OR4N2: variants seen among roughly 807,000 people sequenced by gnomAD.
OR4N2 encodes olfactory receptor 4N2.
For synonymous variants in OR4N2, 141 were observed against 140.4 expected (o/e 1.00, Z -0.03); for missense variants, 307 against 377.6 (o/e 0.81, Z 1.55).
intron 1 of OR4N2, among the ~76,000 whole-genome samples, chr14:19,814,503 A>G (rs1192981800): frequency 6.6e-6 from 1 of 152,146 alleles, no homozygotes; most frequent in African/African-American, 2.4e-5. Context: ...GTGCCCAAAA[A>G]CTCAATAGTA....
At chr14:19,821,585 C>T (rs1455325062) in intron 1 of OR4N2, among the ~76,000 whole-genome samples, 2 of 152,200 alleles carry the variant, frequency 1.3e-5, no homozygotes, top group East Asian at 3.8e-4. Flanking sequence ...ATTTACTTCT[C>T]TCAAACTTCT....
chr14:19,804,500 A>G (rs977594609), intron 1 of OR4N2, among the ~76,000 whole-genome samples: 3 of 152,096 alleles, frequency 2.0e-5, no homozygotes, highest in African/African-American at 7.2e-5. Context: ...ATTTTCACAT[A>G]TGCTTTTGAT....
chr14:19,821,132 T>G (rs1365963713), intron 1 of OR4N2, among the ~76,000 whole-genome samples: 3 of 152,254 alleles, frequency 2.0e-5, no homozygotes, highest in Non-Finnish European at 4.4e-5. Flanking sequence ...TGAATCAGAA[T>G]GCACCTTTCC....
intron 1 of OR4N2, among the ~76,000 whole-genome samples, chr14:19,818,652 T>C (rs1879487170): frequency 1.3e-5 from 2 of 152,318 alleles, no homozygotes; most frequent in South Asian, 2.1e-4. Context: ...CCAGTCTGTG[T>C]ATTCTAACTG....
rs1221081754 is a variant in OR4N2 at position 19,830,058 on chromosome 14, C to T, written c.*1686C>T. ...GATCCTGCTCCTACAGAAGTAAACC[C>T]TTCCACCTGTGCACCAGATTCCATC... is the stretch of plus-strand genomic sequence containing the variant. On this transcript the variant is annotated 3_prime_UTR_variant, in exon 2 of 2. Coordinates refer to ENST00000557677, the MANE Select transcript of OR4N2 (RefSeq NM_001004723.3). The T allele has an allele frequency of 2.0e-5, 3 of 152,664 alleles. No individual in the cohort carries two copies. Among genetic ancestry groups the T allele is most frequent in the African/African-American group, 4.8e-5 (2 of 41,450 alleles). 9.5% of individuals were successfully genotyped at this position (152,664 alleles called of 1,614,324 possible). A position where few individuals can be genotyped will look rare whatever the true frequency, so the allele number is the denominator to read the frequency against.
chr14:19,810,778 G>C (rs1879276852), intron 1 of OR4N2, among the ~76,000 whole-genome samples: 1 of 152,184 alleles, frequency 6.6e-6, no homozygotes, highest in Non-Finnish European at 1.5e-5. Context: ...TACCAAAATT[G>C]ATAAACCCAT....
Position 19,828,219 on chromosome 14 carries a change from C to G in OR4N2, c.771C>G (p.Ile257Met). 2 of 1,614,278 alleles carry G rather than the reference C, an allele frequency of 1.2e-6. No homozygotes were observed. The highest frequency in any genetic ancestry group is 1.1e-5 in the South Asian group (1 of 91,090). ...TCATGTTTGGACCTGGCATCTTCAT[C>G]TACACGCGCCCCTTCAGGGCTTTCC... ...IFFMFGPGIF[I>M]YTRPFRAFPA... Residue 257 changes from isoleucine to methionine, a missense_variant, in exon 2 of 2, where the codon ATC (isoleucine) becomes ATG (methionine). Ile to Met is a conservative substitution (Grantham distance 10). Coordinates refer to ENST00000557677, the MANE Select transcript of OR4N2 (RefSeq NM_001004723.3).
At chr14:19,807,754 A>T (rs566379450) in intron 1 of OR4N2, among the ~76,000 whole-genome samples, 21 of 152,302 alleles carry the variant, frequency 1.4e-4, no homozygotes, top group African/African-American at 5.1e-4. Context: ...TATCATCCTG[A>T]TACCAAAACC....
chr14:19,805,169 A>G lies in OR4N2; in HGVS notation c.-10+1325A>G, dbSNP rs549512550. 1.1e-4 allele frequency among the ~76,000 whole-genome samples: 16 copies of G among 152,322 alleles called. No individual in the cohort carries two copies. In the South Asian group the frequency reaches 3.3e-3, roughly 32 times the overall value. ...TCCGACTTGCCACTCTATGCCTTTT[A>G]ATTGAAGCATTTAACTCATTTACAT... On this transcript the variant is annotated intron_variant, in intron 1 of 1. Coordinates refer to ENST00000557677, the MANE Select transcript of OR4N2 (RefSeq NM_001004723.3).
intron 1 of OR4N2, among the ~76,000 whole-genome samples, chr14:19,822,905 T>C (rs1219147053): frequency 2.0e-5 from 3 of 152,244 alleles, no homozygotes; most frequent in Admixed American, 1.3e-4. Context: ...ATAAGTTAAT[T>C]GCTCATTCAA....
chr14:19,812,944 A>G (rs1879338485), intron 1 of OR4N2, among the ~76,000 whole-genome samples: 1 of 152,264 alleles, frequency 6.6e-6, no homozygotes, highest in Non-Finnish European at 1.5e-5. Flanking sequence ...TTAATAAAAT[A>G]CCAGTAATAC....
intron 1 of OR4N2, among the ~76,000 whole-genome samples, chr14:19,823,184 A>G (rs1323994293): frequency 6.6e-6 from 1 of 152,256 alleles, no homozygotes; most frequent in African/African-American, 2.4e-5. Flanking sequence ...TTCATACTCA[A>G]ATAATTTACT....
At chr14:19,807,362 G>A (rs1439848342) in intron 1 of OR4N2, among the ~76,000 whole-genome samples, 101 of 152,058 alleles carry the variant, frequency 6.6e-4, no homozygotes, top group African/African-American at 1.9e-3. Flanking sequence ...AAAAAAAGCA[G>A]AAGACCCAAA....
intron 1 of OR4N2, among the ~76,000 whole-genome samples, chr14:19,813,219 G>A (rs1250516821): frequency 3.3e-5 from 5 of 152,240 alleles, no homozygotes; most frequent in Non-Finnish European, 7.3e-5. Context: ...ACTTAAGAAC[G>A]TATCTAACCT....
intron 1 of OR4N2, among the ~76,000 whole-genome samples, chr14:19,820,020 C>A (rs2138475088): frequency 6.6e-6 from 1 of 152,390 alleles, no homozygotes; most frequent in East Asian, 1.9e-4. Context: ...GCAAATGCTG[C>A]AGAACAGCAA....
intron 1 of OR4N2, among the ~76,000 whole-genome samples, chr14:19,820,346 T>C (rs1388510482): frequency 6.6e-6 from 1 of 152,280 alleles, no homozygotes; most frequent in Non-Finnish European, 1.5e-5. Flanking sequence ...TTGTCTGCTC[T>C]TAATTCTCTA....
At chr14:19,824,522 T>C (rs1370713572) in intron 1 of OR4N2, among the ~76,000 whole-genome samples, 2 of 152,240 alleles carry the variant, frequency 1.3e-5, no homozygotes, top group African/African-American at 4.8e-5. Context: ...GCATGTGGGA[T>C]ACATAAAACA....
intron 1 of OR4N2, among the ~76,000 whole-genome samples, chr14:19,804,782 G>A (rs553901249): frequency 6.6e-6 from 1 of 152,000 alleles, no homozygotes; most frequent in African/African-American, 2.4e-5. Context: ...CTCTAATACT[G>A]TCAGTGGGGT....
In OR4N2 at chr14:19,803,832, T is replaced by C. The variant is rs1879085087; in HGVS notation, c.-22T>C. ...ACTCAGCTGTGAATTCCTGTGATCC[T>C]GGGCTTTTTCTGGTTGGTAGGCTTT... On this transcript the variant is annotated 5_prime_UTR_variant, in exon 1 of 2. Transcript: ENST00000557677. 6.6e-6 allele frequency: 1 copy of C among 152,284 alleles called. No individual in the cohort carries two copies. The highest frequency in any genetic ancestry group is 2.4e-5 in the African/African-American group (1 of 41,456). The allele number at this position is 152,284 out of a possible 1,614,324, so 9.4% of individuals were successfully genotyped here. A position where few individuals can be genotyped will look rare whatever the true frequency, so the allele number is the denominator to read the frequency against.
Sources: allele counts gnomAD v4.1 joint callset (sites outside exome capture counted in the v4.1 genomes callset), GRCh38; gene constraint gnomAD v4.1.1; transcripts MANE v1.5; gene names NCBI Gene and HGNC (gene_info 2026-07-23, HGNC 2026-07-21).